Variants in F13A1 observed in about 807,000 individuals in gnomAD.
The protein encoded by F13A1 is FSF, A subunit.
Under a neutral mutation model 80.1 loss-of-function variants are expected in F13A1, and 47 were observed. That is an observed-to-expected ratio of 0.59 (90% CI 0.46 to 0.75). The LOEUF is 0.75. Ranked by LOEUF, F13A1 falls within the 30% of genes least tolerant of loss-of-function variation. The pLI is 0.00. For missense variants in F13A1, 817 were observed against 930.4 expected (o/e 0.88, Z 1.59); for synonymous variants, 349 against 344.9 (o/e 1.01, Z -0.13).
At chr6:6,315,768 G>A (rs3024331) in intron 2 of F13A1, among the ~76,000 whole-genome samples, 3,363 of 152,100 alleles carry the variant, frequency 0.022, 54 homozygotes, top group Non-Finnish European at 0.034. Flanking sequence ...GGAGACAAGA[G>A]TTTAACTTGG....
At chr6:6,294,374 C>G (rs1199001161) in intron 3 of F13A1, among the ~76,000 whole-genome samples, 2 of 152,148 alleles carry the variant, frequency 1.3e-5, no homozygotes, top group African/African-American at 2.4e-5. Flanking sequence ...TGCTTCCTGC[C>G]TTTGAACATC....
chr6:6,182,468 G>A (rs377394979), intron 10 of F13A1, among the ~76,000 whole-genome samples: 9 of 152,118 alleles, frequency 5.9e-5, no homozygotes, highest in African/African-American at 1.9e-4. Flanking sequence ...CATGCCCATC[G>A]CTTGCTTCCC....
intron 13 of F13A1, among the ~76,000 whole-genome samples, chr6:6,155,472 G>A (rs1390594793): frequency 2.6e-5 from 4 of 152,058 alleles, no homozygotes; most frequent in Non-Finnish European, 5.9e-5. Flanking sequence ...AGGGGTGAGA[G>A]GAGAAGCCCT....
At chr6:6,190,830 C>T (rs1329896337) in intron 10 of F13A1, among the ~76,000 whole-genome samples, 4 of 152,122 alleles carry the variant, frequency 2.6e-5, no homozygotes, top group African/African-American at 7.2e-5. Flanking sequence ...AGCCTCGCTG[C>T]CGCCTTGCAG....
Position 6,320,622 on chromosome 6 carries a change from G to A in F13A1, c.-54C>T. The A allele has an allele frequency of 2.1e-6, 1 of 470,510 alleles. No individual in the cohort carries two copies. Among genetic ancestry groups the A allele is most frequent in the South Asian group, 1.6e-5 (1 of 64,436 alleles). 29.1% of individuals were successfully genotyped at this position (470,510 alleles called of 1,614,324 possible). On this transcript the variant is annotated 5_prime_UTR_variant, in exon 1 of 15. Coordinates refer to ENST00000264870, the MANE Select transcript of F13A1 (RefSeq NM_000129.4). ...TCCCCTCCAGAGGTGCCCTCGCGTGGGCTTGCTCTGTGCGCCTCGGGGACT... is the reference window on the plus strand; with the variant it reads ...TCCCCTCCAGAGGTGCCCTCGCGTGAGCTTGCTCTGTGCGCCTCGGGGACT...
At chr6:6,211,738 G>A (rs1034022210) in intron 8 of F13A1, among the ~76,000 whole-genome samples, 8 of 152,238 alleles carry the variant, frequency 5.3e-5, no homozygotes, top group African/African-American at 1.9e-4. Flanking sequence ...ACAGAAGACG[G>A]GTGATTTCTG....
At chr6:6,158,107 G>T (rs963333202) in intron 13 of F13A1, among the ~76,000 whole-genome samples, 7 of 152,064 alleles carry the variant, frequency 4.6e-5, no homozygotes, top group Admixed American at 2.0e-4. Flanking sequence ...GGCTGAAGGT[G>T]TCCCCTCCTA....
At position 6,195,818 on chromosome 6, in the gene F13A1, A is replaced by G; in HGVS notation, c.1284T>C (p.Asp428=). 1.9e-6 allele frequency: 3 copies of G among 1,614,220 alleles called. No individual in the cohort carries two copies. The highest frequency in any genetic ancestry group is 1.7e-6 in the Non-Finnish European group (2 of 1,180,020). The change falls in exon 10 of 15, where the codon GAT becomes GAC. Residue 428 remains aspartate (D), a synonymous_variant. Transcript: ENST00000264870. ...IKHGHVCFQF[D]APFVFAEVNS... is the part of the protein sequence containing the mutation. ...TTACCTCTGCAAAAACAAAAGGTGCATCAAATTGGAAGCAGACATGGCCGT... is the reference window on the plus strand; with the variant it reads ...TTACCTCTGCAAAAACAAAAGGTGCGTCAAATTGGAAGCAGACATGGCCGT...
intron 4 of F13A1, among the ~76,000 whole-genome samples, chr6:6,258,281 C>G (rs1434011956): frequency 6.6e-6 from 1 of 152,150 alleles, no homozygotes; most frequent in Non-Finnish European, 1.5e-5. Context: ...AAATCTGAGT[C>G]TAATAATCGT....
At chr6:6,287,842 T>C (rs1030811778) in intron 3 of F13A1, among the ~76,000 whole-genome samples, 2 of 152,204 alleles carry the variant, frequency 1.3e-5, no homozygotes, top group Non-Finnish European at 2.9e-5. Flanking sequence ...TCAGAGCCCC[T>C]ATGTGACTAA....
chr6:6,170,399 AG>A (rs754689682), intron 12 of F13A1, among the ~76,000 whole-genome samples: 2 of 152,220 alleles, frequency 1.3e-5, no homozygotes, highest in African/African-American at 2.4e-5. Flanking sequence ...AGAGCCCAAG[AG>A]AACAGTGCTT....
intron 14 of F13A1, among the ~76,000 whole-genome samples, chr6:6,149,438 C>G (rs1206390759): frequency 6.6e-6 from 1 of 152,186 alleles, no homozygotes; most frequent in Non-Finnish European, 1.5e-5. Flanking sequence ...GAAACCCAAA[C>G]TCCAGTGTGA....
chr6:6,236,193 G>C (rs1757411534), intron 6 of F13A1, among the ~76,000 whole-genome samples: 1 of 152,020 alleles, frequency 6.6e-6, no homozygotes, highest in African/African-American at 2.4e-5. Flanking sequence ...GAAACTTCTG[G>C]GGGCAATGGA....
intron 9 of F13A1, among the ~76,000 whole-genome samples, chr6:6,196,371 G>A (rs3024436): frequency 0.63 from 95,533 of 152,088 alleles, 30,997 homozygotes; most frequent in African/African-American, 0.79. Flanking sequence ...GGAAGTCAGA[G>A]GGCCTATGTT....
chr6:6,260,026 A>G (rs766455149), intron 4 of F13A1, among the ~76,000 whole-genome samples: 6 of 152,210 alleles, frequency 3.9e-5, no homozygotes, highest in Admixed American at 1.3e-4. Flanking sequence ...TTAGAAAAAC[A>G]TGATGAATTC....
At chr6:6,319,428 G>A (rs1758738550) in intron 1 of F13A1, among the ~76,000 whole-genome samples, 1 of 152,206 alleles carries the variant, frequency 6.6e-6, no homozygotes, top group Non-Finnish European at 1.5e-5. Flanking sequence ...GGCTTAAGAA[G>A]TCAGGGTTGC....
chr6:6,164,908 C>T (rs1207019718), intron 13 of F13A1, among the ~76,000 whole-genome samples: 1 of 151,986 alleles, frequency 6.6e-6, no homozygotes, highest in African/African-American at 2.4e-5. Context: ...TAGGCAGGTC[C>T]CCAGTCCACA....
At chr6:6,293,784 AGGGAGG>A (rs1758269499) in intron 3 of F13A1, among the ~76,000 whole-genome samples, 2 of 17,524 alleles carry the variant, frequency 1.1e-4, no homozygotes, top group Non-Finnish European at 9.5e-5. Flanking sequence ...TGAGAGAGAG[AGGGAGG>A]GAGGGAGGGA....
chr6:6,153,873 G>T (rs1760427975), intron 13 of F13A1, among the ~76,000 whole-genome samples: 1 of 152,158 alleles, frequency 6.6e-6, no homozygotes, highest in African/African-American at 2.4e-5. Context: ...TATAATAATA[G>T]TTATTCCCTT....
Sources: gnomAD v4.1 joint callset for allele counts (sites outside exome capture counted in the v4.1 genomes callset) on GRCh38, gnomAD v4.1.1 for gene constraint, MANE v1.5 for transcripts, NCBI Gene and HGNC (gene_info 2026-07-23, HGNC 2026-07-21) for gene names.